MYO1B: variants seen among roughly 807,000 people sequenced by gnomAD.
MYO1B encodes the protein unconventional myosin-Ib.
A neutral mutation model predicts 159.7 loss-of-function variants in MYO1B; 72 were observed. That is an observed-to-expected ratio of 0.45 (90% CI 0.37 to 0.55). The LOEUF is 0.55. Among genes scored for constraint, MYO1B ranks in the 20% least tolerant of loss-of-function variants. The probability of loss-of-function intolerance (pLI) is 0.00; values close to 1 mark genes in which losing one functional copy is unlikely to be tolerated. For missense variants in MYO1B, 1,062 were observed against 1,364.8 expected, an observed-to-expected ratio of 0.78 and a Z score of 3.50; for synonymous variants, 468 against 473.8, an observed-to-expected ratio of 0.99 and a Z score of 0.16.
At chr2:191,257,549 C>T (rs932579904) in intron 1 of MYO1B, among the ~76,000 whole-genome samples, 2 of 152,136 alleles carry the variant, frequency 1.3e-5, no homozygotes, top group African/African-American at 4.8e-5. Context: ...AAAAGTTCAG[C>T]GAACTTTCCA....
intron 2 of MYO1B, among the ~76,000 whole-genome samples, chr2:191,292,488 T>G (rs996208839): frequency 7.2e-5 from 11 of 152,122 alleles, no homozygotes; most frequent in African/African-American, 2.7e-4. Context: ...GAGTTACCAA[T>G]AGAAAGGAAT....
Position 191,396,478 on chromosome 2 carries a change from C to T in MYO1B, c.2276C>T (p.Ser759Phe). Reference sequence around the variant, plus strand: ...AAGAGTTCCGCCTTAGTAATTCAGTCTTATATCCGGGGTTGGAAGGTGAGT... The same window carrying T: ...AAGAGTTCCGCCTTAGTAATTCAGTTTTATATCCGGGGTTGGAAGGTGAGT... ...QTKSSALVIQ[S>F]YIRGWKARKI... Residue 759 changes from serine to phenylalanine, a missense_variant, in exon 21 of 31, where the codon TCT becomes TTT. Physicochemically the swap from Ser to Phe is radical, Grantham distance 155. Transcript: ENST00000392318. 1 of 1,614,132 alleles carries T rather than the reference C, an allele frequency of 6.2e-7. No homozygotes were observed. Among genetic ancestry groups the T allele is most frequent in the African/African-American group, 1.3e-5 (1 of 75,020 alleles).
chr2:191,273,214 G>C (rs574578445), intron 1 of MYO1B, among the ~76,000 whole-genome samples: 2 of 152,230 alleles, frequency 1.3e-5, no homozygotes, highest in East Asian at 1.9e-4. Context: ...CACTTCCTGG[G>C]TTCAAGCAAT....
chr2:191,276,860 A>G, intron 1 of MYO1B, 27 bp from the exon 2 acceptor site: 1 of 1,576,904 alleles, frequency 6.3e-7, no homozygotes, highest in Non-Finnish European at 8.6e-7. Flanking sequence ...GCTCGTTTAA[A>G]TTGACCCCTT....
At chr2:191,341,821 C>A (rs949683384) in intron 5 of MYO1B, among the ~76,000 whole-genome samples, 2 of 152,104 alleles carry the variant, frequency 1.3e-5, no homozygotes, top group Non-Finnish European at 2.9e-5. Context: ...TATTTGAATT[C>A]TTTAAATTTT....
intron 7 of MYO1B, among the ~76,000 whole-genome samples, chr2:191,352,724 G>A (rs946191221): frequency 6.6e-6 from 1 of 152,124 alleles, no homozygotes; most frequent in Non-Finnish European, 1.5e-5. Context: ...GGAGAGAAAA[G>A]GAATACATTA....
intron 5 of MYO1B, among the ~76,000 whole-genome samples, chr2:191,343,838 AGCTGGAGCTGCTAC>A (rs924233024): frequency 3.3e-5 from 5 of 152,172 alleles, no homozygotes; most frequent in African/African-American, 1.2e-4. Flanking sequence ...TTTACTTTTT[AGCTGGAGCTGCTAC>A]TGTAAATGAA....
At chr2:191,383,207 A>G in intron 14 of MYO1B, 73 bp from the exon 15 acceptor site, 1 of 867,752 alleles carries the variant, frequency 1.2e-6, no homozygotes, top group Admixed American at 2.7e-5. Context: ...AAGATGGTCA[A>G]AGTCTGTTTT....
At chr2:191,323,978 GC>G (rs1690894670) in intron 3 of MYO1B, among the ~76,000 whole-genome samples, 1 of 152,080 alleles carries the variant, frequency 6.6e-6, no homozygotes, top group African/African-American at 2.4e-5. Context: ...CATCTGTCAT[GC>G]TATGGCATAG....
intron 5 of MYO1B, among the ~76,000 whole-genome samples, chr2:191,343,473 TAAG>T (rs1184208063): frequency 1.3e-5 from 2 of 152,216 alleles, no homozygotes; most frequent in Non-Finnish European, 1.5e-5. Context: ...GTTAGTAGCA[TAAG>T]AGAGAAATGA....
chr2:191,418,433 G>A (rs1037003520), intron 30 of MYO1B, among the ~76,000 whole-genome samples: 20 of 148,752 alleles, frequency 1.3e-4, no homozygotes, highest in Non-Finnish European at 3.0e-4. Context: ...TGGATAAGTG[G>A]ATGTCAGTTT....
rs1695876279 is a variant in MYO1B, at chr2:191,393,335, G to A, written c.2226+113G>A. Reference sequence around the variant, plus strand: ...TACTTAATTCTCCCAACAACCTCATGAGATAATGGATGTTCTTAATGGTTC... The same window carrying A: ...TACTTAATTCTCCCAACAACCTCATAAGATAATGGATGTTCTTAATGGTTC... On this transcript the variant is annotated intron_variant, in intron 20 of 30. Transcript: ENST00000392318. 13 of 1,198,462 alleles carry A rather than the reference G, an allele frequency of 1.1e-5. No homozygotes were observed. The Middle Eastern group carries it at 1.6e-3, about 151-fold the overall frequency. 74.2% of individuals were successfully genotyped at this position (1,198,462 alleles called of 1,614,324 possible). A position where few individuals can be genotyped will look rare whatever the true frequency, so the allele number is the denominator to read the frequency against.
chr2:191,273,877 G>A (rs1423781268), intron 1 of MYO1B, among the ~76,000 whole-genome samples: 3 of 152,180 alleles, frequency 2.0e-5, no homozygotes, highest in Non-Finnish European at 4.4e-5. Flanking sequence ...TGAAACTTGT[G>A]CCCATGGTAA....
At chr2:191,254,769 G>A (rs911392473) in intron 1 of MYO1B, among the ~76,000 whole-genome samples, 1 of 152,138 alleles carries the variant, frequency 6.6e-6, no homozygotes, top group African/African-American at 2.4e-5. Context: ...GGGATTACAG[G>A]TGTAAGTCAC....
At chr2:191,346,153 A>T in intron 5 of MYO1B, 83 bp from the exon 6 acceptor site, 1 of 1,059,276 alleles carries the variant, frequency 9.4e-7, no homozygotes, top group African/African-American at 1.7e-5. Flanking sequence ...GAAATCATAG[A>T]TTTCAAATAC....
chr2:191,270,399 A>C (rs1687387338), intron 1 of MYO1B, among the ~76,000 whole-genome samples: 1 of 151,990 alleles, frequency 6.6e-6, no homozygotes, highest in Admixed American at 6.5e-5. Flanking sequence ...AAAGTGGCCT[A>C]TTTTCTTGAC....
chr2:191,311,343 G>T (rs2125861529), intron 3 of MYO1B, among the ~76,000 whole-genome samples: 1 of 152,292 alleles, frequency 6.6e-6, no homozygotes, highest in South Asian at 2.1e-4. Context: ...TCTACCTTGG[G>T]AAAACACATG....
At chr2:191,401,919 T>C (rs1165982380) in intron 23 of MYO1B, 5 of 152,422 alleles carry the variant, frequency 3.3e-5, no homozygotes, top group Admixed American at 3.3e-4. Context: ...TGCCTATTTG[T>C]ATCCTTTAGA....
chr2:191,403,421 C>T (rs756481094), intron 24 of MYO1B, among the ~76,000 whole-genome samples: 4 of 152,192 alleles, frequency 2.6e-5, no homozygotes, highest in South Asian at 2.1e-4. Flanking sequence ...ATATTCTTTA[C>T]ACCATGTAAG....
Sources: allele counts gnomAD v4.1 joint callset (sites outside exome capture counted in the v4.1 genomes callset), GRCh38; gene constraint gnomAD v4.1.1; transcripts MANE v1.5; gene names NCBI Gene and HGNC (gene_info 2026-07-23, HGNC 2026-07-21).